ANKMY1: variants seen among roughly 807,000 people sequenced by gnomAD.
The protein encoded by ANKMY1 is ankyrin repeat and MYND domain-containing protein 1.
In ANKMY1, 98 loss-of-function variants were observed where a neutral mutation model predicts 102.0. That is an observed-to-expected ratio of 0.96 (90% confidence interval 0.82 to 1.14). The LOEUF is 1.14. Among genes scored for constraint, ANKMY1 ranks in the 50% most tolerant of loss-of-function variants. ANKMY1 has a pLI of 0.00. For synonymous variants in ANKMY1, 582 were observed against 559.9 expected, an observed-to-expected ratio of 1.04 and a Z score of -0.56; for missense variants, 1,330 against 1,347.6, an observed-to-expected ratio of 0.99 and a Z score of 0.20.
intron 15 of ANKMY1, among the ~76,000 whole-genome samples, 169 bp from the exon 16 acceptor site, chr2:240,482,430 G>A (rs1235299597): frequency 6.6e-6 from 1 of 152,260 alleles, no homozygotes; most frequent in Non-Finnish European, 1.5e-5. Flanking sequence ...GACGCAGAGC[G>A]GGATGTGGAC....
chr2:240,526,081 G>A (rs1455762349), intron 6 of ANKMY1, 148 bp downstream of exon 6: 2 of 1,083,550 alleles, frequency 1.8e-6, no homozygotes, highest in Non-Finnish European at 2.7e-6. Context: ...GTGGGTTTCT[G>A]CTGAACGGCG....
Position 240,509,520 on chromosome 2 carries a change from CATT to C in ANKMY1, c.2287-68_2287-66del, listed in dbSNP as rs1490948539. The C allele has an allele frequency of 2.7e-6, 3 of 1,125,418 alleles. No homozygotes were observed. In the African/African-American group the frequency reaches 4.7e-5, roughly 18 times the overall value. 69.7% of individuals were successfully genotyped at this position (1,125,418 alleles called of 1,614,324 possible). Reference sequence around the variant, plus strand: ...CCCATAAGCAGCACCTGATGGTAGTCATTAATTTAAATGCCATGAAATCAATGT... The same window carrying C: ...CCCATAAGCAGCACCTGATGGTAGTCAATTTAAATGCCATGAAATCAATGT... On this transcript the variant is annotated intron_variant, in intron 11 of 17. Transcript: ENST00000401804.
rs1308664861 is a variant in ANKMY1 at position 240,532,272 on chromosome 2, C to T, written c.481-2763G>A. The stretch of plus-strand genomic sequence containing the variant: ...AGGAAACAATGGAGTAGAATCTTCA[C>T]TGTGCTCAAGAAAATAACTGTCAAC... On this transcript the variant is annotated intron_variant, in intron 4 of 17. Coordinates refer to ENST00000401804, the MANE Select transcript of ANKMY1 (RefSeq NM_001282771.3). 2.8e-5 allele frequency: 9 copies of T among 322,142 alleles called. No individual in the cohort carries two copies. The East Asian group carries it at 9.1e-4, about 32-fold the overall frequency. The allele number at this position is 322,142 out of a possible 1,614,324, so 20.0% of individuals were successfully genotyped here. A position where few individuals can be genotyped will look rare whatever the true frequency, so the allele number is the denominator to read the frequency against.
chr2:240,497,872 C>G (rs1178137172), intron 15 of ANKMY1, among the ~76,000 whole-genome samples: 1 of 152,170 alleles, frequency 6.6e-6, no homozygotes, highest in Non-Finnish European at 1.5e-5. Flanking sequence ...TAAGTGACAC[C>G]TCCGTTTTAG....
At chr2:240,482,348 G>T in intron 15 of ANKMY1, 87 bp from the exon 16 acceptor site, 1 of 1,230,084 alleles carries the variant, frequency 8.1e-7, no homozygotes, top group Non-Finnish European at 1.1e-6. Flanking sequence ...CCCTCCCTGT[G>T]GTGCCTGCCT....
At chr2:240,475,902 C>T (rs1559213928), downstream of ANKMY1, among the ~76,000 whole-genome samples, 2 of 152,150 alleles carry the variant, frequency 1.3e-5, no homozygotes, top group Non-Finnish European at 2.9e-5. Context: ...TGGAAGAATA[C>T]TGTTAAAATG....
chr2:240,545,019 G>A (rs1312608137), intron 4 of ANKMY1, among the ~76,000 whole-genome samples: 1 of 152,242 alleles, frequency 6.6e-6, no homozygotes, highest in Non-Finnish European at 1.5e-5. Flanking sequence ...AGCTCAAGGA[G>A]GCCTGCCTGC....
At chr2:240,482,294 C>A (rs1011942821) in intron 15 of ANKMY1, 33 bp from the exon 16 acceptor site, 1 of 1,592,506 alleles carries the variant, frequency 6.3e-7, no homozygotes, top group African/African-American at 1.4e-5. Flanking sequence ...TTAGTACCCA[C>A]GTGGCAGGGT....
At chr2:240,526,632 A>T in intron 5 of ANKMY1, 187 bp from the exon 6 acceptor site, 1 of 1,444,744 alleles carries the variant, frequency 6.9e-7, no homozygotes, top group East Asian at 2.5e-5. Context: ...TAGGTTGCAC[A>T]CGGTGGTGCA....
chr2:240,529,136 A>G lies in ANKMY1; in HGVS notation c.854T>C (p.Leu285Pro). The G allele has an allele frequency of 6.2e-7, 1 of 1,614,234 alleles. No homozygotes were observed. The highest frequency in any genetic ancestry group is 8.5e-7 in the Non-Finnish European group (1 of 1,180,038). ...FRKELDARIFLNEIPPFVEDG... is the reference protein window; with the variant it reads ...FRKELDARIFPNEIPPFVEDG... The stretch of plus-strand genomic sequence containing the variant: ...CTCAACGAACGGAGGAATTTCATTG[A>G]GGAAGATGCGGGCGTCCAGCTCTTT... The change falls in exon 5 of 18, where the codon CTC becomes CCC. Residue 285 changes from leucine to proline, a missense_variant. Transcript: ENST00000401804. The surrounding 1 kb of genome is among the most constrained non-coding windows in gnomAD (Gnocchi z 4.2).
chr2:240,485,093 C>G (rs1305797122), intron 15 of ANKMY1, among the ~76,000 whole-genome samples: 1 of 152,108 alleles, frequency 6.6e-6, no homozygotes, highest in African/African-American at 2.4e-5. Context: ...CTTTGGGAGG[C>G]TGAGGTGGGT....
intron 7 of ANKMY1, 81 bp downstream of exon 7, chr2:240,525,604 G>A (rs1179771576): frequency 2.0e-6 from 3 of 1,492,068 alleles, no homozygotes; most frequent in African/African-American, 1.4e-5. Context: ...ACACAGGAGG[G>A]AGGAGGCTTG....
chr2:240,524,668 G>C (rs1459190078), intron 7 of ANKMY1, among the ~76,000 whole-genome samples: 1 of 152,264 alleles, frequency 6.6e-6, no homozygotes, highest in East Asian at 1.9e-4. Context: ...GTGCTTAGAA[G>C]TGAAGGAGAG....
chr2:240,490,098 T>A (rs1469904892), intron 15 of ANKMY1, among the ~76,000 whole-genome samples: 3 of 152,256 alleles, frequency 2.0e-5, no homozygotes, highest in Non-Finnish European at 4.4e-5. Flanking sequence ...AATATCTCCT[T>A]TTCCATTTCT....
intron 4 of ANKMY1, among the ~76,000 whole-genome samples, chr2:240,536,492 A>G (rs1307391883): frequency 6.6e-6 from 1 of 152,216 alleles, no homozygotes; most frequent in Non-Finnish European, 1.5e-5. Flanking sequence ...TTCAGGCCAC[A>G]GTGCAATGCC....
chr2:240,548,638 C>T (rs1310281122), intron 4 of ANKMY1, among the ~76,000 whole-genome samples: 13 of 151,802 alleles, frequency 8.6e-5, no homozygotes, highest in Non-Finnish European at 1.8e-4. Flanking sequence ...CCAAAATCTC[C>T]TTAAGCTGAT....
the ANKMY1 span, among the ~76,000 whole-genome samples, chr2:240,471,186 G>C: frequency 6.6e-6 from 1 of 151,916 alleles, no homozygotes; most frequent in Non-Finnish European, 1.5e-5. Context: ...AAAGTACCTA[G>C]AGGGTTTGTC....
intron 17 of ANKMY1, among the ~76,000 whole-genome samples, 153 bp from the exon 18 acceptor site, chr2:240,479,808 T>G (rs2075136985): frequency 6.6e-6 from 1 of 152,104 alleles, no homozygotes; most frequent in Admixed American, 6.5e-5. Context: ...CAGCAAGGAC[T>G]GAGGGCTATC....
In ANKMY1 at chr2:240,523,772, A is replaced by T. The variant is rs376251536; in HGVS notation, c.1832+113T>A. Reference sequence around the variant, plus strand: ...GGGATGCTCACACATTCAGACACACATCTCCAGACACAACGCCTCCCACTG... The same window carrying T: ...GGGATGCTCACACATTCAGACACACTTCTCCAGACACAACGCCTCCCACTG... On this transcript the variant is annotated intron_variant, in intron 8 of 17. Coordinates refer to ENST00000401804, the MANE Select transcript of ANKMY1 (RefSeq NM_001282771.3). 4.3e-5 allele frequency: 62 copies of T among 1,450,264 alleles called. 1 individual carries two copies. In the South Asian group the frequency reaches 7.6e-4, roughly 18 times the overall value. The allele number at this position is 1,450,264 out of a possible 1,614,324, so 89.8% of individuals were successfully genotyped here.
Sources: allele counts gnomAD v4.1 joint callset (sites outside exome capture counted in the v4.1 genomes callset), GRCh38; gene constraint gnomAD v4.1.1; non-coding constraint Gnocchi (gnomAD v3.1); transcripts MANE v1.5; gene names NCBI Gene and HGNC (gene_info 2026-07-23, HGNC 2026-07-21).